TTC6: variants seen among roughly 807,000 people sequenced by gnomAD.
TTC6 encodes tetratricopeptide repeat domain 6, also known as tetratricopeptide repeat protein 6.
A neutral mutation model predicts 210.4 loss-of-function variants in TTC6; 172 were observed. That is an observed-to-expected ratio of 0.82 (90% CI 0.72 to 0.93). TTC6 has a LOEUF of 0.93. Among genes scored for constraint, TTC6 ranks in the 40% least tolerant of loss-of-function variants. TTC6 has a pLI of 0.00. For missense variants in TTC6, 2,414 were observed against 2,318.1 expected (o/e 1.04, Z -0.85); for synonymous variants, 804 against 819.6 (o/e 0.98, Z 0.32).
chr14:37,675,582 G>T (rs1319722689), intron 1 of TTC6, among the ~76,000 whole-genome samples: 2 of 151,858 alleles, frequency 1.3e-5, no homozygotes, highest in Non-Finnish European at 2.9e-5. Flanking sequence ...TTTTTTGGGG[G>T]CATATTCCTA....
chr14:37,725,343 T>A (rs1566912270), intron 7 of TTC6, among the ~76,000 whole-genome samples: 1 of 109,768 alleles, frequency 9.1e-6, no homozygotes, highest in African/African-American at 3.2e-5. Context: ...TATATATATA[T>A]ATATATATAT....
chr14:37,631,620 G>T (rs1306583446), intron 1 of TTC6, among the ~76,000 whole-genome samples: 1 of 152,118 alleles, frequency 6.6e-6, no homozygotes, highest in Non-Finnish European at 1.5e-5. Flanking sequence ...GAATGTCTTT[G>T]TGTTGTTCTC....
chr14:37,800,409 G>C (rs1244904718), intron 20 of TTC6, among the ~76,000 whole-genome samples: 1 of 152,116 alleles, frequency 6.6e-6, no homozygotes, highest in African/African-American at 2.4e-5. Context: ...GGAGAGATAA[G>C]TTAAGAACTG....
At chr14:37,648,349 T>G (rs992317768) in intron 1 of TTC6, among the ~76,000 whole-genome samples, 3 of 152,210 alleles carry the variant, frequency 2.0e-5, no homozygotes, top group Admixed American at 2.0e-4. Flanking sequence ...TGAAATTTGT[T>G]GAGTACTTTT....
chr14:37,769,962 A>C (rs1164846121), intron 14 of TTC6, among the ~76,000 whole-genome samples: 7 of 151,942 alleles, frequency 4.6e-5, no homozygotes, highest in Non-Finnish European at 2.9e-5. Context: ...TTCCCTCTAC[A>C]CACTGCTTTG....
chr14:37,700,835 A>C (rs2095823914), intron 4 of TTC6, among the ~76,000 whole-genome samples: 1 of 151,104 alleles, frequency 6.6e-6, no homozygotes, highest in Non-Finnish European at 1.5e-5. Flanking sequence ...AAGTCCAAGC[A>C]GAGTGGGAAA....
chr14:37,630,907 G>GTTTTTTTTTTTTTTTTTTT (rs746429138), intron 1 of TTC6, among the ~76,000 whole-genome samples: 2 of 33,070 alleles, frequency 6.0e-5, no homozygotes, highest in Admixed American at 4.2e-4. Flanking sequence ...GGCAACCCCT[G>GTTTTTTTTTTTTTTTTTTT]TTTTTTTTTT....
intron 1 of TTC6, among the ~76,000 whole-genome samples, chr14:37,597,373 A>G (rs1038182610): frequency 2.6e-5 from 4 of 152,060 alleles, no homozygotes; most frequent in East Asian, 3.9e-4. Flanking sequence ...GAGCAAGACT[A>G]GGTTATTTTC....
At chr14:37,801,901 T>A (rs201642355) in intron 20 of TTC6, among the ~76,000 whole-genome samples, 1 of 8,356 alleles carries the variant, frequency 1.2e-4, no homozygotes, top group South Asian at 0.1. Flanking sequence ...GAGTATATAT[T>A]CCAAAGGAAT....
rs1227085756 is a variant in TTC6, at chr14:37,780,750, G to T, written c.3267-6718G>T. Among the ~76,000 whole-genome samples the T allele has an allele frequency of 3.9e-5, 6 of 152,106 alleles. No homozygotes were observed. The South Asian group carries it at 8.3e-4, about 21-fold the overall frequency. ...ACCCGTCAACCCATCACCTACATTAGATATTTATCCTAATGTTATCCTATC... is the reference window on the plus strand; with the variant it reads ...ACCCGTCAACCCATCACCTACATTATATATTTATCCTAATGTTATCCTATC... On this transcript the variant is annotated intron_variant, in intron 14 of 30. Transcript: ENST00000553443.
chr14:37,782,965 C>G (rs2096058892), intron 14 of TTC6, among the ~76,000 whole-genome samples: 1 of 152,076 alleles, frequency 6.6e-6, no homozygotes, highest in Non-Finnish European at 1.5e-5. Flanking sequence ...GCCTTGCATC[C>G]CAGGGATGAA....
At chr14:37,639,108 CTTA>C (rs1017305714) in intron 1 of TTC6, among the ~76,000 whole-genome samples, 1 of 152,150 alleles carries the variant, frequency 6.6e-6, no homozygotes, top group Admixed American at 6.5e-5. Flanking sequence ...CTATGTATAA[CTTA>C]TTATGTATTC....
chr14:37,786,327 A>G (rs910638148), intron 14 of TTC6, among the ~76,000 whole-genome samples: 7 of 152,298 alleles, frequency 4.6e-5, no homozygotes, highest in African/African-American at 1.7e-4. Flanking sequence ...CAGCAATGGC[A>G]GCCGCCCCTC....
chr14:37,742,318 A>G (rs2095922630), intron 10 of TTC6, among the ~76,000 whole-genome samples: 1 of 152,080 alleles, frequency 6.6e-6, no homozygotes, highest in African/African-American at 2.4e-5. Context: ...TTCCTCAGAG[A>G]AGCAGAATTT....
rs186820028 is a variant in TTC6 at position 37,785,677 on chromosome 14, G to A, written c.3267-1791G>A. On this transcript the variant is annotated intron_variant, in intron 14 of 30. Coordinates refer to ENST00000553443, the Ensembl canonical transcript of TTC6. ...TGTTCCGTTGCTGGCGAGGAGCTGCGTTCCTTTGGAGGAGAAGAGGTGCTC... is the reference window on the plus strand; with the variant it reads ...TGTTCCGTTGCTGGCGAGGAGCTGCATTCCTTTGGAGGAGAAGAGGTGCTC... 1.7e-3 allele frequency among the ~76,000 whole-genome samples: 265 copies of A among 152,296 alleles called. 3 individuals carry two copies. Among genetic ancestry groups the A allele is most frequent in the African/African-American group, 5.3e-3 (221 of 41,560 alleles).
rs141105609 is a variant in TTC6, at chr14:37,795,935, T to C, written c.3792-359T>C. 5.2e-3 allele frequency among the ~76,000 whole-genome samples: 799 copies of C among 152,290 alleles called. 4 individuals carry two copies. The highest frequency in any genetic ancestry group is 0.011 in the South Asian group (53 of 4,832). Reference sequence around the variant, plus strand: ...CAATGCTTTACTGATAAGGGCTTGCTTTGTCCTTGAACCACATTTTAGCAA... The same window carrying C: ...CAATGCTTTACTGATAAGGGCTTGCCTTGTCCTTGAACCACATTTTAGCAA... On this transcript the variant is annotated intron_variant, in intron 18 of 30. Transcript: ENST00000553443.
At chr14:37,814,315 G>A (rs972008726) in intron 25 of TTC6, among the ~76,000 whole-genome samples, 4 of 152,130 alleles carry the variant, frequency 2.6e-5, no homozygotes, top group African/African-American at 9.7e-5. Flanking sequence ...TATGCGTACA[G>A]CACTCTTCCT....
intron 26 of TTC6, among the ~76,000 whole-genome samples, chr14:37,823,296 C>T (rs1262510147): frequency 1.3e-5 from 2 of 152,112 alleles, no homozygotes; most frequent in African/African-American, 4.8e-5. Context: ...GATGTAAGGA[C>T]TCCCATGTGA....
chr14:37,698,558 G>A (rs1435465238), intron 4 of TTC6, among the ~76,000 whole-genome samples: 1 of 151,980 alleles, frequency 6.6e-6, no homozygotes, highest in African/African-American at 2.4e-5. Flanking sequence ...CTGGCTTTCT[G>A]GACACCCCCT....
Sources: gnomAD v4.1 joint callset for allele counts (sites outside exome capture counted in the v4.1 genomes callset) on GRCh38, gnomAD v4.1.1 for gene constraint, MANE v1.5 for transcripts, NCBI Gene and HGNC (gene_info 2026-07-23, HGNC 2026-07-21) for gene names.